OSBPL1A: variants seen among roughly 807,000 people sequenced by gnomAD.
The protein encoded by OSBPL1A is oxysterol binding protein like 1A, also known as oxysterol-binding protein-related protein 1.
Under a neutral mutation model 137.1 loss-of-function variants are expected in OSBPL1A, and 80 were observed. That is an observed-to-expected ratio of 0.58 (90% CI 0.49 to 0.70). OSBPL1A has a LOEUF of 0.70. OSBPL1A is among the 30% of genes least tolerant of loss of function. OSBPL1A has a pLI of 0.00. For missense variants in OSBPL1A, 970 were observed against 1,129.4 expected (o/e 0.86, Z 2.02); for synonymous variants, 365 against 389.7 (o/e 0.94, Z 0.75).
chr18:24,221,022 C>A (rs2087871973), intron 17 of OSBPL1A, among the ~76,000 whole-genome samples: 1 of 152,100 alleles, frequency 6.6e-6, no homozygotes, highest in South Asian at 2.1e-4. Flanking sequence ...CTCAAGTGAT[C>A]CACCCGCCTC....
At chr18:24,275,227 C>T (rs1284933545) in intron 15 of OSBPL1A, among the ~76,000 whole-genome samples, 7 of 152,018 alleles carry the variant, frequency 4.6e-5, no homozygotes, top group Non-Finnish European at 1.0e-4. Context: ...TAGAGAATTC[C>T]AAAGACAGGA....
intron 1 of OSBPL1A, among the ~76,000 whole-genome samples, chr18:24,381,250 AG>A (rs991280618): frequency 9.9e-5 from 15 of 152,164 alleles, no homozygotes; most frequent in African/African-American, 3.6e-4. Context: ...AGGAAACATC[AG>A]GGGCAAAGGG....
intron 14 of OSBPL1A, among the ~76,000 whole-genome samples, chr18:24,286,611 A>G (rs1429647267): frequency 1.3e-5 from 2 of 152,226 alleles, no homozygotes; most frequent in Non-Finnish European, 2.9e-5. Flanking sequence ...CATTGTCATT[A>G]TGGACTAGAA....
intron 4 of OSBPL1A, among the ~76,000 whole-genome samples, chr18:24,359,635 C>T (rs537018551): frequency 6.6e-6 from 1 of 151,800 alleles, no homozygotes; most frequent in South Asian, 2.1e-4. Context: ...TATGAGGGCC[C>T]CACTGCACTC....
intron 15 of OSBPL1A, among the ~76,000 whole-genome samples, chr18:24,255,997 G>T (rs1476784380): frequency 6.6e-6 from 1 of 152,130 alleles, no homozygotes; most frequent in Non-Finnish European, 1.5e-5. Context: ...GTTTTGCCAT[G>T]TTGGCCAGGC....
intron 16 of OSBPL1A, among the ~76,000 whole-genome samples, chr18:24,227,506 AC>A (rs1045252120): frequency 5.3e-5 from 8 of 152,230 alleles, no homozygotes; most frequent in Non-Finnish European, 8.8e-5. Flanking sequence ...GTTCAGGTAA[AC>A]AGATGTCTGA....
intron 14 of OSBPL1A, among the ~76,000 whole-genome samples, chr18:24,293,125 A>AAAAAG (rs200624581): frequency 2.6e-4 from 21 of 82,098 alleles, no homozygotes; most frequent in Non-Finnish European, 4.9e-4. Flanking sequence ...AAAAAAAAAA[A>AAAAAG]AAAGAAAAGA....
In OSBPL1A at chr18:24,317,313, A is replaced by G; in HGVS notation, c.806+14T>C. The G allele has an allele frequency of 1.2e-6, 2 of 1,611,672 alleles. No homozygotes were observed. Among genetic ancestry groups the G allele is most frequent in the Non-Finnish European group, 1.7e-6 (2 of 1,177,822 alleles). Reference sequence around the variant, plus strand: ...ACAGTGAAATTTGATAAGTGTAAAGATCATAATACTTACTGTTTCCTATAC... The same window carrying G: ...ACAGTGAAATTTGATAAGTGTAAAGGTCATAATACTTACTGTTTCCTATAC... On this transcript the variant is annotated intron_variant, in intron 10 of 27. Transcript: ENST00000319481.
At chr18:24,172,154 T>G (rs1393958994) in intron 22 of OSBPL1A, among the ~76,000 whole-genome samples, 1 of 152,298 alleles carries the variant, frequency 6.6e-6, no homozygotes, top group East Asian at 1.9e-4. Flanking sequence ...TTGGCCAGGC[T>G]GGTCTCGAAC....
At chr18:24,359,865 A>T (rs2146184206) in intron 4 of OSBPL1A, among the ~76,000 whole-genome samples, 1 of 152,342 alleles carries the variant, frequency 6.6e-6, no homozygotes, top group Non-Finnish European at 1.5e-5. Flanking sequence ...GTATTTTAAA[A>T]TTCTGGTATT....
intron 18 of OSBPL1A, among the ~76,000 whole-genome samples, chr18:24,183,199 G>A (rs1041603524): frequency 1.3e-5 from 2 of 151,518 alleles, no homozygotes; most frequent in African/African-American, 2.4e-5. Context: ...TAAAACTATC[G>A]TTATTGTTTT....
chr18:24,355,722 C>T (rs892418264), intron 4 of OSBPL1A, among the ~76,000 whole-genome samples: 4 of 152,060 alleles, frequency 2.6e-5, no homozygotes, highest in East Asian at 1.9e-4. Context: ...CAGTGGCTCA[C>T]GCTTGTAAAC....
rs774498395 is a variant in OSBPL1A at position 24,333,081 on chromosome 18, G to A, written c.486C>T (p.Asn162=). 10 of 1,612,758 alleles carry A rather than the reference G, an allele frequency of 6.2e-6. No homozygotes were observed. Among genetic ancestry groups the A allele is most frequent in the Non-Finnish European group, 8.5e-6 (10 of 1,179,446 alleles). The change falls in exon 7 of 28, where the codon AAC becomes AAT. Residue 162 remains asparagine, a synonymous_variant. Coordinates refer to ENST00000319481, the MANE Select transcript of OSBPL1A (RefSeq NM_080597.4). ...GKTTELTALL[N]RPNPPDVNCS... is the part of the protein sequence containing the mutation. The stretch of plus-strand genomic sequence containing the variant: ...AGTTAACATCAGGAGGATTGGGCCT[G>A]TTGAGCTAACAATTAAAAAAATGCA...
At chr18:24,377,573 A>G in intron 1 of OSBPL1A, 38 bp from the exon 2 acceptor site, 2 of 1,545,818 alleles carry the variant, frequency 1.3e-6, no homozygotes, top group Non-Finnish European at 1.7e-6. Context: ...ATTATTTAAG[A>G]ACATAATTAG....
At chr18:24,302,277 C>T (rs549833802) in intron 14 of OSBPL1A, 9 of 149,614 alleles carry the variant, frequency 6.0e-5, no homozygotes, top group African/African-American at 2.2e-4. Flanking sequence ...TCACAAATAA[C>T]TACATCATTT....
At position 24,299,123 on chromosome 18, in the gene OSBPL1A, T is replaced by C. The variant is rs1026661824; in HGVS notation, c.1174+4514A>G. Among the ~76,000 whole-genome samples the C allele has an allele frequency of 6.6e-5, 10 of 152,204 alleles. No individual in the cohort carries two copies. In the East Asian group the frequency reaches 1.5e-3, roughly 23 times the overall value. On this transcript the variant is annotated intron_variant, in intron 14 of 27. Coordinates refer to ENST00000319481, the MANE Select transcript of OSBPL1A (RefSeq NM_080597.4). ...TACCTTGAGTTTATATGAATCCTTA[T>C]GTGTTAGGCAAGTCTCTTGAAGACA...
chr18:24,207,387 T>A (rs2087405900), intron 17 of OSBPL1A, among the ~76,000 whole-genome samples: 1 of 152,246 alleles, frequency 6.6e-6, no homozygotes, highest in Admixed American at 6.5e-5. Context: ...CTCAGCCTCT[T>A]ATGTCACTTA....
intron 17 of OSBPL1A, among the ~76,000 whole-genome samples, chr18:24,211,417 G>A (rs1019800900): frequency 6.6e-6 from 1 of 152,072 alleles, no homozygotes; most frequent in Non-Finnish European, 1.5e-5. Context: ...TTCAATCTGC[G>A]ATTTCTTACA....
At chr18:24,251,582 A>C (rs1016666991) in intron 15 of OSBPL1A, among the ~76,000 whole-genome samples, 1 of 152,206 alleles carries the variant, frequency 6.6e-6, no homozygotes, top group African/African-American at 2.4e-5. Context: ...GAATACCTGG[A>C]AAGCCTTCTC....
Sources: gnomAD v4.1 joint callset for allele counts (sites outside exome capture counted in the v4.1 genomes callset) on GRCh38, gnomAD v4.1.1 for gene constraint, MANE v1.5 for transcripts, NCBI Gene and HGNC (gene_info 2026-07-23, HGNC 2026-07-21) for gene names.